Variants in TASOR2 observed in about 807,000 individuals in gnomAD.
TASOR2 encodes the protein transcription activation suppressor family member 2.
Under a neutral mutation model 199.5 loss-of-function variants are expected in TASOR2, and 84 were observed. The observed-to-expected ratio is 0.42, with a 90% CI of 0.35 to 0.50. The LOEUF is 0.50. Ranked by LOEUF, TASOR2 falls within the 20% of genes least tolerant of loss-of-function variation. TASOR2 has a pLI of 0.02. For synonymous variants in TASOR2, 1,103 were observed against 1,046.6 expected (o/e 1.05, Z -1.04); for missense variants, 2,796 against 2,835.9 (o/e 0.99, Z 0.32).
intron 14 of TASOR2, among the ~76,000 whole-genome samples, chr10:5,745,281 T>TACG (rs1554773394): frequency 1.3e-5 from 2 of 151,730 alleles, no homozygotes; most frequent in African/African-American, 4.8e-5. Context: ...CCATGTACAA[T>TACG]AGGTATTCAA....
In TASOR2 at chr10:5,687,147, C is replaced by G. The variant is rs11819708; in HGVS notation, c.-288+1972C>G. On this transcript the variant is annotated intron_variant, in intron 1 of 20. Coordinates refer to ENST00000328090, the Ensembl canonical transcript of TASOR2. This position sits in a 1 kb window ranked among gnomAD's most constrained non-coding sequence, Gnocchi z 4.8. The stretch of plus-strand genomic sequence containing the variant: ...AAAGCGTATCTGTGTAATAAATATG[C>G]TTTTTGTCAGTACATGTTAATGGTA... Among the ~76,000 whole-genome samples, 5 of 151,940 alleles carry G rather than the reference C, an allele frequency of 3.3e-5. No homozygotes were observed. Among genetic ancestry groups the G allele is most frequent in the African/African-American group, 7.3e-5 (3 of 41,362 alleles).
rs1837873368 is a variant in TASOR2 at position 5,701,681 on chromosome 10, G to A, written c.-287-11142G>A. Among the ~76,000 whole-genome samples the A allele has an allele frequency of 6.6e-6, 1 of 151,836 alleles. No individual in the cohort carries two copies. The highest frequency in any genetic ancestry group is 6.6e-5 in the Admixed American group (1 of 15,244). On this transcript the variant is annotated intron_variant, in intron 1 of 20. Coordinates refer to ENST00000328090, the Ensembl canonical transcript of TASOR2. The surrounding 1 kb of genome is among the most constrained non-coding windows in gnomAD (Gnocchi z 4.9). The stretch of plus-strand genomic sequence containing the variant: ...TCTTGTATAGATCTTTCACTTCTTT[G>A]GCTAAATTGATTCCTAGGTATGTTA...
intron 15 of TASOR2, among the ~76,000 whole-genome samples, chr10:5,753,512 G>A (rs1398499908): frequency 6.6e-6 from 1 of 152,108 alleles, no homozygotes; most frequent in Non-Finnish European, 1.5e-5. Flanking sequence ...ACAGGCGCCC[G>A]CCACCATGCC....
At chr10:5,693,402 T>C (rs1334308474) in intron 1 of TASOR2, among the ~76,000 whole-genome samples, 1 of 152,252 alleles carries the variant, frequency 6.6e-6, no homozygotes, top group African/African-American at 2.4e-5. Context: ...GTGATTATCT[T>C]GGTTTAAACT....
At chr10:5,758,775 T>C in intron 17 of TASOR2, 112 bp from the exon 19 acceptor site, 1 of 731,640 alleles carries the variant, frequency 1.4e-6, no homozygotes, top group Non-Finnish European at 2.3e-6. Context: ...TACTCAACCA[T>C]GGGTCTTAGT....
Position 5,730,490 on chromosome 10 carries a change from T to C in TASOR2, c.491T>C (p.Val164Ala), listed in dbSNP as rs551175289. 1.3e-6 allele frequency: 2 copies of C among 1,587,590 alleles called. No homozygotes were observed. Among genetic ancestry groups the C allele is most frequent in the South Asian group, 2.3e-5 (2 of 87,804 alleles). The change falls in exon 11 of 21, where the codon GTG (valine) becomes GCG (alanine). Residue 164 changes from valine (V) to alanine (A), a missense_variant. By Grantham distance (64) the Val-to-Ala change is moderately conservative. Around this residue, in one of 3 missense-constraint regions of TASOR2, gnomAD observed 847 missense variants for 887.4 expected, o/e 0.95. Coordinates refer to ENST00000328090, the Ensembl canonical transcript of TASOR2. The surrounding 1 kb of genome is among the most constrained non-coding windows in gnomAD (Gnocchi z 4.1). The stretch of plus-strand genomic sequence containing the variant: ...AATACGTGTGTATATATTCTAGGGG[T>C]GAAAGATTTGAAAGTTGAAGATGAC...
Position 5,706,018 on chromosome 10 carries a change from G to C in TASOR2, c.-287-6805G>C, listed in dbSNP as rs185634367. Among the ~76,000 whole-genome samples the C allele has an allele frequency of 6.6e-6, 1 of 151,946 alleles. No homozygotes were observed. The highest frequency in any genetic ancestry group is 6.6e-5 in the Admixed American group (1 of 15,260). On this transcript the variant is annotated intron_variant, in intron 1 of 20. Coordinates refer to ENST00000328090, the Ensembl canonical transcript of TASOR2. The surrounding 1 kb of genome is among the most constrained non-coding windows in gnomAD (Gnocchi z 4.8). ...CAAATAGTTATAGTTTTTATGTTTA[G>C]GTCTGTGATTCATTTTGAGTTAAAT...
rs1251672186 is a variant in TASOR2, at chr10:5,706,719, T to C, written c.-287-6104T>C. ...ATACATACAGTTAAGTAGTGAAACC[T>C]AGGCCTAGCACGGTGGCTCATGCCT... is the stretch of plus-strand genomic sequence containing the variant. On this transcript the variant is annotated intron_variant, in intron 1 of 20. Coordinates refer to ENST00000328090, the Ensembl canonical transcript of TASOR2. This position sits in a 1 kb window ranked among gnomAD's most constrained non-coding sequence, Gnocchi z 4.8. 3.3e-5 allele frequency among the ~76,000 whole-genome samples: 5 copies of C among 152,176 alleles called. No homozygotes were observed. The highest frequency in any genetic ancestry group is 1.2e-4 in the African/African-American group (5 of 41,440).
At chr10:5,746,824 G>C in exon 15 of TASOR2, 1 of 1,614,164 alleles carries the variant, frequency 6.2e-7, no homozygotes. Context: ...AGAGACACTT[G>C]ATAAAGCAGT....
exon 12 of TASOR2, chr10:5,735,334 A>G (rs745781038): frequency 1.2e-6 from 2 of 1,614,130 alleles, no homozygotes; most frequent in East Asian, 4.5e-5. Context: ...CAGTTTGTAC[A>G]GAAAACCAAA....
At position 5,720,692 on chromosome 10, in the gene TASOR2, G is replaced by C. The variant is rs1833239408; in HGVS notation, c.26+24G>C. On this transcript the variant is annotated intron_variant, in intron 4 of 20. Coordinates refer to ENST00000328090, the Ensembl canonical transcript of TASOR2. The surrounding 1 kb of genome is among the most constrained non-coding windows in gnomAD (Gnocchi z 5.3). ...ATGTAAGTAATTATGTGCATGCTTT[G>C]TTTTACTGAATTTGTTCCTTTTACT... 2.5e-6 allele frequency: 4 copies of C among 1,613,784 alleles called. No homozygotes were observed. The highest frequency in any genetic ancestry group is 3.4e-6 in the Non-Finnish European group (4 of 1,179,922).
In TASOR2 at chr10:5,740,463, C is replaced by T. The variant is rs1836251076; in HGVS notation, c.2293C>T (p.Pro765Ser). 4.3e-6 allele frequency: 7 copies of T among 1,613,282 alleles called. No individual in the cohort carries two copies. The highest frequency in any genetic ancestry group is 4.2e-6 in the Non-Finnish European group (5 of 1,180,014). ...TTTAGACAGCAAATATACCAACAAC[C>T]CACTGGAGAAAACTGTAGTAAGAGC... is the stretch of plus-strand genomic sequence containing the variant. Residue 765 changes from proline to serine, a missense_variant, in exon 13 of 21, where the codon CCA (proline) becomes TCA (serine). Coordinates refer to ENST00000328090, the Ensembl canonical transcript of TASOR2. This position sits in a 1 kb window ranked among gnomAD's most constrained non-coding sequence, Gnocchi z 5.3.
Position 5,706,089 on chromosome 10 carries a change from G to A in TASOR2, c.-287-6734G>A, listed in dbSNP as rs12571639. On this transcript the variant is annotated intron_variant, in intron 1 of 20. Transcript: ENST00000328090. The surrounding 1 kb of genome is among the most constrained non-coding windows in gnomAD (Gnocchi z 4.8). ...TTTGAGGTTCATGTTTTTTTCCTCCGTTTTAGTTGTTCTGTAGCAGCATTT... is the reference window on the plus strand; with the variant it reads ...TTTGAGGTTCATGTTTTTTTCCTCCATTTTAGTTGTTCTGTAGCAGCATTT... 0.66 allele frequency among the ~76,000 whole-genome samples: 101,021 copies of A among 151,930 alleles called. 33,862 individuals carry two copies. The highest frequency in any genetic ancestry group is 0.75 in the African/African-American group (31,111 of 41,454).
At chr10:5,721,129 A>G (rs763704313) in intron 6 of TASOR2, among the ~76,000 whole-genome samples, 159 bp downstream of exon 7, 1 of 152,216 alleles carries the variant, frequency 6.6e-6, no homozygotes, top group Non-Finnish European at 1.5e-5. Context: ...CACACAGGGT[A>G]TGACATAGTA....
chr10:5,731,498 C>T lies in TASOR2; in HGVS notation c.1204+295C>T, dbSNP rs148945891. Among the ~76,000 whole-genome samples, 90 of 152,294 alleles carry T rather than the reference C, an allele frequency of 5.9e-4. 2 individuals carry two copies. In the East Asian group the frequency reaches 0.013, roughly 22 times the overall value. Reference sequence around the variant, plus strand: ...AGCCGAGATCACGCCATTGCGCTCCCGCCTGGGTGACGAGCAAATCTCCAT... The same window carrying T: ...AGCCGAGATCACGCCATTGCGCTCCTGCCTGGGTGACGAGCAAATCTCCAT... On this transcript the variant is annotated intron_variant, in intron 11 of 20. Transcript: ENST00000328090.
At chr10:5,746,125 T>TA in intron 14 of TASOR2, 54 bp from the exon 16 acceptor site, 1 of 1,489,516 alleles carries the variant, frequency 6.7e-7, no homozygotes, top group South Asian at 1.4e-5. Context: ...TATAATCGTA[T>TA]AAAAAACATT....
At chr10:5,757,743 G>T in intron 17 of TASOR2, 70 bp downstream of exon 18, 1 of 1,503,622 alleles carries the variant, frequency 6.7e-7, no homozygotes, top group Non-Finnish European at 9.1e-7. Context: ...CCTAAATACT[G>T]TTTCATCCAA....
At chr10:5,732,029 T>C (rs1564314843) in intron 11 of TASOR2, among the ~76,000 whole-genome samples, 1 of 152,256 alleles carries the variant, frequency 6.6e-6, no homozygotes, top group Non-Finnish European at 1.5e-5. Context: ...CGTGTGGTTT[T>C]GATGCTCCCT....
At chr10:5,756,461 T>C in intron 15 of TASOR2, 152 bp from the exon 17 acceptor site, 1 of 580,982 alleles carries the variant, frequency 1.7e-6, no homozygotes, top group Middle Eastern at 5.2e-4. Flanking sequence ...TCATTTATTT[T>C]ATATATAAAA....
Sources: gnomAD v4.1 joint callset for allele counts (sites outside exome capture counted in the v4.1 genomes callset) on GRCh38, gnomAD v4.1.1 for gene constraint, gnomAD v4.1.1 regional missense constraint, Gnocchi (gnomAD v3.1) non-coding constraint, MANE v1.5 for transcripts, NCBI Gene and HGNC (gene_info 2026-07-23, HGNC 2026-07-21) for gene names.